The following DENND2C variants were observed in gnomAD, a reference collection of about 807,000 sequenced individuals.
The protein encoded by DENND2C is DENN domain containing 2C.
In DENND2C, 72 loss-of-function variants were observed where a neutral mutation model predicts 112.4. That is an observed-to-expected ratio of 0.64 (90% CI 0.53 to 0.78). The LOEUF (loss-of-function observed/expected upper bound fraction) is 0.78, where lower values mean the gene tolerates loss of function less well. DENND2C is among the 30% of genes least tolerant of loss of function. The pLI, the probability that DENND2C is intolerant of heterozygous loss-of-function variation, is 0.00. For synonymous variants in DENND2C, 329 were observed against 381.6 expected, an observed-to-expected ratio of 0.86 and a Z score of 1.61; for missense variants, 992 against 1,113.8, an observed-to-expected ratio of 0.89 and a Z score of 1.56.
chr1:114,612,803 C>T (rs1324517848), intron 8 of DENND2C, among the ~76,000 whole-genome samples: 1 of 152,084 alleles, frequency 6.6e-6, no homozygotes, highest in East Asian at 1.9e-4. Context: ...TAGGCATGAG[C>T]CACCGCACCC....
chr1:114,588,080 A>C lies in DENND2C; in HGVS notation c.2432-128T>G, dbSNP rs970329776. Reference sequence around the variant, plus strand: ...TTAAAGGACTGAGAATAAATCTAGGAGTGTTCATTCTTCACTTTCTTTCTG... The same window carrying C: ...TTAAAGGACTGAGAATAAATCTAGGCGTGTTCATTCTTCACTTTCTTTCTG... On this transcript the variant is annotated intron_variant, in intron 18 of 20. Coordinates refer to ENST00000393274, the MANE Select transcript of DENND2C (RefSeq NM_001256404.2). 3 of 784,096 alleles carry C rather than the reference A, an allele frequency of 3.8e-6. No homozygotes were observed. The African/African-American group carries it at 5.2e-5, about 14-fold the overall frequency. The allele number at this position is 784,096 out of a possible 1,614,324, so 48.6% of individuals were successfully genotyped here.
chr1:114,616,260 G>A (rs752044215), intron 8 of DENND2C, among the ~76,000 whole-genome samples: 10 of 151,020 alleles, frequency 6.6e-5, no homozygotes, highest in Non-Finnish European at 1.2e-4. Context: ...GTGTGGTGCC[G>A]TGTGCCTGTA....
At chr1:114,659,795 CCCTCCCTT>C (rs1201020936) in intron 1 of DENND2C, among the ~76,000 whole-genome samples, 4 of 143,822 alleles carry the variant, frequency 2.8e-5, no homozygotes, top group Admixed American at 7.0e-5. Context: ...CTCCCTCCCT[CCCTCCCTT>C]CCTTCCTTCC....
In DENND2C at chr1:114,643,456, C is replaced by T. The variant is rs767283180; in HGVS notation, c.-205+1992G>A. On this transcript the variant is annotated intron_variant, in intron 3 of 20. Transcript: ENST00000393274. ...ATATTTTAAAACAAATAATAAAGGA[C>T]CAGACTAATAGGGAAAAAAAGTGTC... is the stretch of plus-strand genomic sequence containing the variant. Among the ~76,000 whole-genome samples, 79 of 152,102 alleles carry T rather than the reference C, an allele frequency of 5.2e-4. 1 individual carries two copies. The highest frequency in any genetic ancestry group is 1.9e-4 in the Non-Finnish European group (13 of 68,008).
At chr1:114,618,126 C>A (rs1339919007) in intron 8 of DENND2C, among the ~76,000 whole-genome samples, 1 of 151,792 alleles carries the variant, frequency 6.6e-6, no homozygotes, top group Non-Finnish European at 1.5e-5. Context: ...GTAGCTGGGA[C>A]TACAGGCGCC....
chr1:114,601,984 G>A, intron 12 of DENND2C, 141 bp downstream of exon 12: 2 of 752,460 alleles, frequency 2.7e-6, no homozygotes, highest in Non-Finnish European at 4.3e-6. Context: ...TCCTCTTGCT[G>A]TTTAAAGCTA....
At chr1:114,626,359 A>C (rs892437694) in intron 3 of DENND2C, among the ~76,000 whole-genome samples, 171 bp from the exon 4 acceptor site, 8 of 152,202 alleles carry the variant, frequency 5.3e-5, no homozygotes, top group Admixed American at 4.6e-4. Context: ...TAAGATGGTG[A>C]GATAATAATA....
intron 1 of DENND2C, among the ~76,000 whole-genome samples, chr1:114,658,818 T>C (rs936630416): frequency 1.5e-5 from 2 of 134,188 alleles, no homozygotes; most frequent in African/African-American, 5.0e-5. Flanking sequence ...CAGAGGAGGA[T>C]TGCTTGAGCC....
chr1:114,595,195 G>A (rs780143230), intron 17 of DENND2C, among the ~76,000 whole-genome samples: 1 of 152,148 alleles, frequency 6.6e-6, no homozygotes, highest in Non-Finnish European at 1.5e-5. Context: ...AATAATCAGT[G>A]CTTGGCCGGG....
At chr1:114,624,018 T>C (rs1656262966) in intron 4 of DENND2C, among the ~76,000 whole-genome samples, 1 of 152,102 alleles carries the variant, frequency 6.6e-6, no homozygotes, top group Admixed American at 6.5e-5. Context: ...TTACAGAAAA[T>C]TCTAATCTTC....
chr1:114,587,404 C>G lies in DENND2C; in HGVS notation c.2738G>C (p.Arg913Thr). The change falls in exon 20 of 21, where the codon AGA (arginine) becomes ACA (threonine). Residue 913 changes from arginine (R) to threonine (T), a missense_variant. By Grantham distance (71) the Arg-to-Thr change is moderately conservative (BLOSUM62 -1). This residue lies in a region of DENND2C where 516 missense variants were observed against 623.6 expected (regional missense o/e 0.83). Coordinates refer to ENST00000393274, the MANE Select transcript of DENND2C (RefSeq NM_001256404.2). ...IPESEPSGMN[R>T]ILRSLGSKMK... ...CAACTAACCAAGACTCCGCAAAATTCTATTCATCCCACTGGGCTCCGACTC... is the reference window on the plus strand; with the variant it reads ...CAACTAACCAAGACTCCGCAAAATTGTATTCATCCCACTGGGCTCCGACTC... 6.2e-7 allele frequency: 1 copy of G among 1,614,190 alleles called. No individual in the cohort carries two copies. The highest frequency in any genetic ancestry group is 1.3e-5 in the African/African-American group (1 of 75,054).
chr1:114,636,089 G>A (rs939757454), intron 3 of DENND2C, among the ~76,000 whole-genome samples: 6 of 150,886 alleles, frequency 4.0e-5, no homozygotes, highest in Admixed American at 2.0e-4. Flanking sequence ...ATACAGAAAG[G>A]ATACCAGAAT....
At chr1:114,655,883 A>AATGTAT (rs1553238227) in intron 1 of DENND2C, among the ~76,000 whole-genome samples, 8 of 125,890 alleles carry the variant, frequency 6.4e-5, no homozygotes, top group Non-Finnish European at 1.4e-4. Context: ...TATATGTATA[A>AATGTAT]ATATATATAT....
intron 1 of DENND2C, among the ~76,000 whole-genome samples, chr1:114,659,338 T>C (rs1657423051): frequency 6.6e-6 from 1 of 151,902 alleles, no homozygotes; most frequent in African/African-American, 2.4e-5. Context: ...CTGTCTCTAC[T>C]AAAAATACAA....
chr1:114,647,945 T>C (rs1479735204), intron 2 of DENND2C, among the ~76,000 whole-genome samples: 1 of 152,012 alleles, frequency 6.6e-6, no homozygotes, highest in Non-Finnish European at 1.5e-5. Context: ...GTAGCTGAGA[T>C]TACAGGTGCC....
At chr1:114,620,118 G>T (rs903915696) in intron 7 of DENND2C, among the ~76,000 whole-genome samples, 1 of 152,108 alleles carries the variant, frequency 6.6e-6, no homozygotes, top group Non-Finnish European at 1.5e-5. Context: ...GGGACAGCTG[G>T]AGGCATTAAA....
At chr1:114,602,254 G>A in intron 11 of DENND2C, 60 bp from the exon 12 acceptor site, 1 of 1,560,264 alleles carries the variant, frequency 6.4e-7, no homozygotes, top group Non-Finnish European at 8.8e-7. Context: ...CATTCTCCAT[G>A]GAACAAACAA....
At chr1:114,658,780 T>C (rs1657401887) in intron 1 of DENND2C, among the ~76,000 whole-genome samples, 1 of 149,760 alleles carries the variant, frequency 6.7e-6, no homozygotes, top group African/African-American at 2.4e-5. Flanking sequence ...AACAGTTCTT[T>C]AGTCTTAATA....
rs904202471 is a variant in DENND2C at position 114,612,351 on chromosome 1, A to T, written c.1325-1234T>A. 5.0e-5 allele frequency among the ~76,000 whole-genome samples: 7 copies of T among 139,174 alleles called. No homozygotes were observed. The East Asian group carries it at 1.1e-3, about 21-fold the overall frequency. 91.3% of individuals were successfully genotyped at this position (139,174 alleles called of 152,430 possible). A position where few individuals can be genotyped will look rare whatever the true frequency, so the allele number is the denominator to read the frequency against. ...TGGGACAATTTGGCAGCAGTTATAA[A>T]TTTTTTTTTTTTTTTTTTGAGACAG... On this transcript the variant is annotated intron_variant, in intron 8 of 20. Coordinates refer to ENST00000393274, the MANE Select transcript of DENND2C (RefSeq NM_001256404.2).
Sources: gnomAD v4.1 joint callset for allele counts (sites outside exome capture counted in the v4.1 genomes callset) on GRCh38, gnomAD v4.1.1 for gene constraint, gnomAD v4.1.1 regional missense constraint, MANE v1.5 for transcripts, NCBI Gene and HGNC (gene_info 2026-07-23, HGNC 2026-07-21) for gene names.